Variants in CCDC91 observed in about 807,000 individuals in gnomAD.
CCDC91 encodes the protein coiled-coil domain-containing protein 91.
A neutral mutation model predicts 63.2 loss-of-function variants in CCDC91; 48 were observed. The ratio of observed to expected loss-of-function variants is 0.76; its 90% CI spans 0.60 to 0.97. CCDC91 has a LOEUF of 0.97. Ranked by LOEUF, CCDC91 falls within the 50% of genes least tolerant of loss-of-function variation. The pLI is 0.00. For missense variants in CCDC91, 500 were observed against 494.6 expected, an observed-to-expected ratio of 1.01 and a Z score of -0.10; for synonymous variants, 167 against 165.8, an observed-to-expected ratio of 1.01 and a Z score of -0.06.
chr12:28,282,085 A>G (rs1398438616), intron 3 of CCDC91, among the ~76,000 whole-genome samples: 1 of 152,196 alleles, frequency 6.6e-6, no homozygotes, highest in African/African-American at 2.4e-5. Context: ...AGGATAACTA[A>G]AAGAATGAAG....
intron 1 of CCDC91, among the ~76,000 whole-genome samples, chr12:28,196,093 A>G (rs1045392704): frequency 6.6e-6 from 1 of 152,144 alleles, no homozygotes; most frequent in African/African-American, 2.4e-5. Context: ...CAACAGAGAG[A>G]GCCTCTTTCA....
intron 6 of CCDC91, among the ~76,000 whole-genome samples, chr12:28,345,968 TTAAA>T (rs1942782911): frequency 6.6e-6 from 1 of 152,192 alleles, no homozygotes; most frequent in Non-Finnish European, 1.5e-5. Context: ...CTTTTTATCT[TTAAA>T]TGAATATTGT....
At chr12:28,215,657 TG>T (rs1447516675) in intron 1 of CCDC91, among the ~76,000 whole-genome samples, 1 of 151,950 alleles carries the variant, frequency 6.6e-6, no homozygotes, top group Non-Finnish European at 1.5e-5. Context: ...AAAAGGAAGA[TG>T]AAAAAAAGTG....
At chr12:28,329,221 T>C (rs1385963050) in intron 6 of CCDC91, among the ~76,000 whole-genome samples, 1 of 152,194 alleles carries the variant, frequency 6.6e-6, no homozygotes, top group Non-Finnish European at 1.5e-5. Flanking sequence ...TTTATGAAAG[T>C]ATTACTAAAG....
chr12:28,396,929 G>A (rs75316282), intron 8 of CCDC91, among the ~76,000 whole-genome samples: 1,594 of 152,162 alleles, frequency 0.01, 35 homozygotes, highest in African/African-American at 0.036. Context: ...GAGAACTTAC[G>A]AGAAAGCTGG....
chr12:28,356,484 A>C (rs1048363441), intron 6 of CCDC91, among the ~76,000 whole-genome samples: 1 of 152,008 alleles, frequency 6.6e-6, no homozygotes, highest in African/African-American at 2.4e-5. Context: ...GAATTTTTTC[A>C]TGTATGGGTT....
intron 11 of CCDC91, among the ~76,000 whole-genome samples, 198 bp from the exon 12 acceptor site, chr12:28,483,854 A>C (rs1405088706): frequency 6.6e-6 from 1 of 152,158 alleles, no homozygotes; most frequent in Non-Finnish European, 1.5e-5. Flanking sequence ...CTTTCCTTTC[A>C]TTCAGTTTAG....
intron 12 of CCDC91, among the ~76,000 whole-genome samples, chr12:28,489,364 C>T (rs564606285): frequency 6.6e-6 from 1 of 151,676 alleles, no homozygotes; most frequent in Non-Finnish European, 1.5e-5. Flanking sequence ...AGAATACATC[C>T]CTGACACTTC....
chr12:28,284,789 C>T (rs986917908), intron 3 of CCDC91, among the ~76,000 whole-genome samples: 2 of 152,250 alleles, frequency 1.3e-5, no homozygotes, highest in East Asian at 1.9e-4. Flanking sequence ...TCGTGGTCAA[C>T]AGTGAGGATT....
intron 8 of CCDC91, among the ~76,000 whole-genome samples, chr12:28,437,059 T>C (rs972083275): frequency 6.6e-6 from 1 of 151,876 alleles, no homozygotes; most frequent in Admixed American, 6.6e-5. Context: ...TGCCATTTTC[T>C]ACAAAGTTGT....
intron 6 of CCDC91, among the ~76,000 whole-genome samples, chr12:28,327,124 A>C (rs1460234777): frequency 6.6e-6 from 1 of 151,640 alleles, no homozygotes; most frequent in Non-Finnish European, 1.5e-5. Flanking sequence ...TGTCATAGTG[A>C]TATAGGAGTT....
Position 28,450,404 on chromosome 12 carries a change from G to A in CCDC91, c.910G>A (p.Val304Ile), listed in dbSNP as rs770045479. The change falls in exon 10 of 13, where the codon GTA becomes ATA. Residue 304 changes from valine (V) to isoleucine (I), a missense_variant. Physicochemically the swap from Val to Ile is conservative, Grantham distance 29 (BLOSUM62 3). Coordinates refer to ENST00000536442, the MANE Select transcript of CCDC91 (RefSeq NM_018318.5). Reference protein sequence around the residue: ...EERQRNKEALVSAAKLEKEAV... With the variant: ...EERQRNKEALISAAKLEKEAV... ...AAGGCAAAGAAATAAAGAGGCATTA[G>A]TATCCGCTGCAAAGGTATTTCCATC... The A allele has an allele frequency of 5.6e-6, 9 of 1,611,304 alleles. No homozygotes were observed. In the African/African-American group the frequency reaches 1.2e-4, roughly 22 times the overall value.
rs763734136 is a variant in CCDC91, at chr12:28,452,665, T to C, written c.1101+11T>C. 5 of 1,361,096 alleles carry C rather than the reference T, an allele frequency of 3.7e-6. No homozygotes were observed. The highest frequency in any genetic ancestry group is 2.5e-5 in the Admixed American group (1 of 40,630). The allele number at this position is 1,361,096 out of a possible 1,614,324, so 84.3% of individuals were successfully genotyped here. A position where few individuals can be genotyped will look rare whatever the true frequency, so the allele number is the denominator to read the frequency against. ...AGAAAAATAAGTCAGGTTAGTAATATTAACTGTTAGTAAATATTTACTTTT... is the reference window on the plus strand; with the variant it reads ...AGAAAAATAAGTCAGGTTAGTAATACTAACTGTTAGTAAATATTTACTTTT... On this transcript the variant is annotated intron_variant, in intron 11 of 12. Coordinates refer to ENST00000536442, the MANE Select transcript of CCDC91 (RefSeq NM_018318.5).
At chr12:28,441,938 C>A (rs1949247054) in intron 8 of CCDC91, among the ~76,000 whole-genome samples, 1 of 151,742 alleles carries the variant, frequency 6.6e-6, no homozygotes, top group South Asian at 2.1e-4. Flanking sequence ...TGTGTATTTT[C>A]ATATATGTAA....
chr12:28,470,953 C>T (rs1950785455), intron 11 of CCDC91, among the ~76,000 whole-genome samples: 1 of 151,148 alleles, frequency 6.6e-6, no homozygotes, highest in African/African-American at 2.4e-5. Flanking sequence ...GTGTAAAAGT[C>T]GAAAGAAATG....
intron 6 of CCDC91, among the ~76,000 whole-genome samples, chr12:28,313,975 T>G (rs1041605637): frequency 6.6e-6 from 1 of 152,026 alleles, no homozygotes; most frequent in African/African-American, 2.4e-5. Context: ...CATGTCCTCA[T>G]GCTGCCACAT....
chr12:28,531,917 A>G (rs1248059759), intron 12 of CCDC91, among the ~76,000 whole-genome samples: 1 of 152,138 alleles, frequency 6.6e-6, no homozygotes, highest in Non-Finnish European at 1.5e-5. Context: ...GATGGTAAAT[A>G]GCATAAGGAA....
intron 4 of CCDC91, among the ~76,000 whole-genome samples, chr12:28,306,393 A>G (rs1938730947): frequency 6.6e-6 from 1 of 152,114 alleles, no homozygotes; most frequent in Non-Finnish European, 1.5e-5. Flanking sequence ...AAATATAAAC[A>G]AATTCTAGGT....
chr12:28,296,348 C>T (rs1461274919), intron 3 of CCDC91, among the ~76,000 whole-genome samples: 1 of 151,654 alleles, frequency 6.6e-6, no homozygotes, highest in African/African-American at 2.4e-5. Context: ...TACAGGGTTA[C>T]CCAAACAGCC....
Sources: allele counts gnomAD v4.1 joint callset (sites outside exome capture counted in the v4.1 genomes callset), GRCh38; gene constraint gnomAD v4.1.1; transcripts MANE v1.5; gene names NCBI Gene and HGNC (gene_info 2026-07-23, HGNC 2026-07-21).